The following ZSCAN5A variants were observed in gnomAD, a reference collection of about 807,000 sequenced individuals.
ZSCAN5A encodes zinc finger and SCAN domain containing 5A.
In ZSCAN5A, 12 loss-of-function variants were observed where a neutral mutation model predicts 23.7. That is an observed-to-expected ratio of 0.51 (90% CI 0.32 to 0.82). ZSCAN5A has a LOEUF of 0.82. ZSCAN5A is among the 40% of genes least tolerant of loss of function. The probability of loss-of-function intolerance (pLI) is 0.03; values close to 1 mark genes in which losing one functional copy is unlikely to be tolerated. For synonymous variants in ZSCAN5A, 257 were observed against 239.9 expected, an observed-to-expected ratio of 1.07 and a Z score of -0.66; for missense variants, 597 against 617.9, an observed-to-expected ratio of 0.97 and a Z score of 0.36.
At chr19:56,229,079 ACT>A (rs1198726182) in intron 2 of ZSCAN5A, among the ~76,000 whole-genome samples, 2 of 152,114 alleles carry the variant, frequency 1.3e-5, no homozygotes, top group East Asian at 3.8e-4. Context: ...TGTGAATTTT[ACT>A]GTGTGGATCA....
chr19:56,276,807 G>A (rs1035725183), intron 2 of ZSCAN5A, among the ~76,000 whole-genome samples: 1 of 151,980 alleles, frequency 6.6e-6, no homozygotes, highest in Non-Finnish European at 1.5e-5. Context: ...AAAGTGCTGG[G>A]ATTACAGGTG....
chr19:56,262,414 TTTTTTTTTG>T (rs1191797582), intron 2 of ZSCAN5A, among the ~76,000 whole-genome samples: 5 of 151,890 alleles, frequency 3.3e-5, no homozygotes, highest in African/African-American at 1.2e-4. Context: ...TTCTAATTTT[TTTTTTTTTG>T]TTTTTTTGTT....
rs774907610 is a variant in ZSCAN5A at position 56,245,219 on chromosome 19, C to G, written c.-127-20046G>C. 5.0e-6 allele frequency: 3 copies of G among 599,764 alleles called. No individual in the cohort carries two copies. In the South Asian group the frequency reaches 5.1e-5, roughly 10 times the overall value. The allele number at this position is 599,764 out of a possible 1,614,324, so 37.2% of individuals were successfully genotyped here. ...AGTCTGATTGTCTTTTTTCTCTCTA[C>G]AGTCTGTGGTCAATTTTCTTGGCAA... On this transcript the variant is annotated intron_variant, in intron 2 of 5. Coordinates refer to ENST00000683990, the MANE Select transcript of ZSCAN5A (RefSeq NM_001322064.3).
upstream of ZSCAN5A, chr19:56,317,783 G>C (rs1031371568): frequency 6.6e-6 from 1 of 152,482 alleles, no homozygotes; most frequent in African/African-American, 2.4e-5. Flanking sequence ...GGAGGGTGTA[G>C]CTCAGAGTCT....
chr19:56,298,554 G>A (rs1414658146), intron 2 of ZSCAN5A, among the ~76,000 whole-genome samples: 4 of 151,828 alleles, frequency 2.6e-5, no homozygotes, highest in Non-Finnish European at 5.9e-5. Context: ...TCGGGAGGCT[G>A]AGGCAGGAGA....
Position 56,343,313 on chromosome 19 carries a change from G to C in ZSCAN5A, c.-358+19922C>G. ...AGCCACTAGTTTCTGAAGACTACTGGAGTGGTGTGCAAAGTGAATACCCAA... is the reference window on the plus strand; with the variant it reads ...AGCCACTAGTTTCTGAAGACTACTGCAGTGGTGTGCAAAGTGAATACCCAA... On this transcript the variant is annotated intron_variant, in intron 2 of 6. Transcript: ENST00000587340. 4.3e-6 allele frequency: 3 copies of C among 689,776 alleles called. No individual in the cohort carries two copies. In the South Asian group the frequency reaches 4.5e-5, roughly 10 times the overall value. 42.7% of individuals were successfully genotyped at this position (689,776 alleles called of 1,614,324 possible).
intron 2 of ZSCAN5A, among the ~76,000 whole-genome samples, chr19:56,276,602 T>C (rs560776055): frequency 1.3e-5 from 2 of 151,658 alleles, no homozygotes; most frequent in East Asian, 1.9e-4. Flanking sequence ...AGTGGTGCGA[T>C]CTGGGTTCAC....
chr19:56,302,423 CCTTT>C, intron 2 of ZSCAN5A, among the ~76,000 whole-genome samples: 1 of 139,740 alleles, frequency 7.2e-6, no homozygotes, highest in African/African-American at 2.8e-5. Flanking sequence ...TTCATCCCTC[CCTTT>C]CTCCCTTCCT....
intron 2 of ZSCAN5A, among the ~76,000 whole-genome samples, chr19:56,322,965 G>A (rs1439309456): frequency 2.1e-5 from 3 of 139,698 alleles, no homozygotes; most frequent in Non-Finnish European, 4.5e-5. Context: ...CGCGATCTCT[G>A]CTCACTGCAA....
At chr19:56,349,759 A>G (rs957577283) in intron 2 of ZSCAN5A, among the ~76,000 whole-genome samples, 1 of 151,808 alleles carries the variant, frequency 6.6e-6, no homozygotes, top group Non-Finnish European at 1.5e-5. Flanking sequence ...GAAAATCATA[A>G]AAGATAAGTA....
In ZSCAN5A at chr19:56,358,223, T is replaced by C. The variant is rs754702362; in HGVS notation, c.-358+5012A>G. Among the ~76,000 whole-genome samples the C allele has an allele frequency of 1.1e-4, 16 of 148,624 alleles. 1 individual carries two copies. Among genetic ancestry groups the C allele is most frequent in the Non-Finnish European group, 2.1e-4 (14 of 67,252 alleles). ...GCAACCTCCACTTTTCAGGATCAAG[T>C]GACTCTTGTGCTTCAGCCTCTCAAG... On this transcript the variant is annotated intron_variant, in intron 2 of 6. Transcript: ENST00000587340.
chr19:56,247,184 ACC>A, intron 2 of ZSCAN5A: 37 of 581,436 alleles, frequency 6.4e-5, no homozygotes, highest in Middle Eastern at 2.8e-4. Context: ...CAGCTCTCAG[ACC>A]TCCGCGTCCA....
intron 2 of ZSCAN5A, chr19:56,342,813 C>T: frequency 1.3e-6 from 1 of 785,928 alleles, no homozygotes. Flanking sequence ...AATCATAAGA[C>T]ATTTTCCTAA....
At chr19:56,313,546 G>A (rs2041174783) in intron 1 of ZSCAN5A, among the ~76,000 whole-genome samples, 162 bp from the exon 2 acceptor site, 1 of 152,210 alleles carries the variant, frequency 6.6e-6, no homozygotes, top group Non-Finnish European at 1.5e-5. Flanking sequence ...CATATCAGAA[G>A]AGAATGCCAA....
upstream of ZSCAN5A, chr19:56,316,546 G>A (rs1257686094): frequency 1.3e-5 from 2 of 157,966 alleles, no homozygotes; most frequent in Admixed American, 1.3e-4. Flanking sequence ...AAGTGCATTA[G>A]TGAGGAGGGG....
chr19:56,332,662 G>C (rs927226434), intron 2 of ZSCAN5A, among the ~76,000 whole-genome samples: 6 of 152,134 alleles, frequency 3.9e-5, no homozygotes, highest in Non-Finnish European at 8.8e-5. Context: ...TATATTCTAG[G>C]TTAATAGTGA....
chr19:56,248,395 G>C (rs1211537749), intron 2 of ZSCAN5A, among the ~76,000 whole-genome samples: 1 of 151,944 alleles, frequency 6.6e-6, no homozygotes, highest in African/African-American at 2.4e-5. Context: ...GGAGTAGCTG[G>C]GACTAGAACA....
At chr19:56,285,454 T>C (rs2039034206) in intron 2 of ZSCAN5A, among the ~76,000 whole-genome samples, 1 of 152,242 alleles carries the variant, frequency 6.6e-6, no homozygotes, top group Admixed American at 6.5e-5. Flanking sequence ...TTTAGTGATA[T>C]AACTTTACCT....
chr19:56,223,777 C>G lies in ZSCAN5A; in HGVS notation c.442G>C (p.Ala148Pro). 6.2e-7 allele frequency: 1 copy of G among 1,613,906 alleles called. No homozygotes were observed. The highest frequency in any genetic ancestry group is 1.3e-5 in the African/African-American group (1 of 74,990). ...TCTCTGACACTGGAGGGGGCTTCAG[C>G]CATCTCGATATCTGAGTCCTGCACA... ...YIVQDSDIEM[A>P]EAPSSVRDDL... The change falls in exon 4 of 6, where the codon GCT (alanine) becomes CCT (proline). Residue 148 changes from alanine to proline, a missense_variant. Coordinates refer to ENST00000683990, the MANE Select transcript of ZSCAN5A (RefSeq NM_001322064.3).
Sources: gnomAD v4.1 joint callset for allele counts (sites outside exome capture counted in the v4.1 genomes callset) on GRCh38, gnomAD v4.1.1 for gene constraint, MANE v1.5 for transcripts, NCBI Gene and HGNC (gene_info 2026-07-23, HGNC 2026-07-21) for gene names.